Variants in FIBCD1 observed in about 807,000 individuals in gnomAD.
FIBCD1 encodes fibrinogen C domain-containing protein 1.
A neutral mutation model predicts 45.1 loss-of-function variants in FIBCD1; 47 were observed. The ratio of observed to expected loss-of-function variants is 1.04; its 90% confidence interval spans 0.82 to 1.33. The LOEUF is 1.33. Ranked by LOEUF, FIBCD1 falls within the 40% of genes most tolerant of loss-of-function variation. The pLI, the probability that FIBCD1 is intolerant of heterozygous loss-of-function variation, is 0.00. For missense variants in FIBCD1, 653 were observed against 682.2 expected (o/e 0.96, Z 0.48); for synonymous variants, 313 against 308.1 (o/e 1.02, Z -0.17).
intron 4 of FIBCD1, among the ~76,000 whole-genome samples, chr9:130,921,751 C>T (rs1265096298): frequency 6.6e-6 from 1 of 152,248 alleles, no homozygotes; most frequent in African/African-American, 2.4e-5. Context: ...TTCCGCCCGC[C>T]AAGGGGTTCC....
At chr9:130,924,011 CCG>C in intron 3 of FIBCD1, 131 bp from the exon 4 acceptor site, 1 of 1,421,148 alleles carries the variant, frequency 7.0e-7, no homozygotes, top group Non-Finnish European at 9.5e-7. Flanking sequence ...GCCTTGGAGT[CCG>C]ACCTTGGCTC....
upstream of FIBCD1, among the ~76,000 whole-genome samples, chr9:130,940,525 C>A (rs1213190108): frequency 6.6e-6 from 1 of 152,236 alleles, no homozygotes; most frequent in Non-Finnish European, 1.5e-5. Context: ...CTAGAGGGCC[C>A]TCAGACTTGG....
chr9:130,923,667 G>T, intron 4 of FIBCD1, 77 bp downstream of exon 4: 1 of 1,559,004 alleles, frequency 6.4e-7, no homozygotes, highest in Non-Finnish European at 8.6e-7. Flanking sequence ...GAAGCTGCTC[G>T]GAATGCCCGG....
chr9:130,924,668 C>G (rs1470313462), intron 2 of FIBCD1, among the ~76,000 whole-genome samples: 1 of 152,186 alleles, frequency 6.6e-6, no homozygotes, highest in Non-Finnish European at 1.5e-5. Context: ...GCACCTGCCA[C>G]CCCTGCTGCC....
chr9:130,936,784 C>T (rs552412687), intron 1 of FIBCD1, among the ~76,000 whole-genome samples: 1 of 152,270 alleles, frequency 6.6e-6, no homozygotes, highest in African/African-American at 2.4e-5. Flanking sequence ...GAGATGGGCT[C>T]CAGAGGAGGG....
upstream of FIBCD1, among the ~76,000 whole-genome samples, chr9:130,939,698 G>C (rs977347344): frequency 1.3e-5 from 2 of 151,780 alleles, no homozygotes; most frequent in African/African-American, 4.8e-5. Context: ...CGCCCCGCGT[G>C]GTCCCAGCCC....
intron 5 of FIBCD1, among the ~76,000 whole-genome samples, chr9:130,907,232 C>T (rs1831944790): frequency 8.5e-6 from 1 of 118,284 alleles, no homozygotes; most frequent in Non-Finnish European, 1.7e-5. Context: ...AGCGGTGTCC[C>T]GGGGGCTGCT....
chr9:130,908,333 G>C (rs749688521), intron 5 of FIBCD1, among the ~76,000 whole-genome samples: 1 of 152,192 alleles, frequency 6.6e-6, no homozygotes, highest in African/African-American at 2.4e-5. Context: ...GCTTCCTCCC[G>C]CATCATCTGC....
At chr9:130,908,252 G>A (rs1264224004) in intron 5 of FIBCD1, among the ~76,000 whole-genome samples, 1 of 152,214 alleles carries the variant, frequency 6.6e-6, no homozygotes, top group African/African-American at 2.4e-5. Flanking sequence ...TGCGGCAGAG[G>A]AGGGACTGGC....
Position 130,902,849 on chromosome 9 carries a change from G to A in FIBCD1, c.*1215C>T, listed in dbSNP as rs931895565. 2 of 152,438 alleles carry A rather than the reference G, an allele frequency of 1.3e-5. No individual in the cohort carries two copies. The highest frequency in any genetic ancestry group is 2.4e-5 in the African/African-American group (1 of 41,466). 9.4% of individuals were successfully genotyped at this position (152,438 alleles called of 1,614,324 possible). A position where few individuals can be genotyped will look rare whatever the true frequency, so the allele number is the denominator to read the frequency against. ...GCCTGCGGGTCTCACCTCTGCATGT[G>A]TGCACACAAGGAGTGGGGATGACAG... is the stretch of plus-strand genomic sequence containing the variant. On this transcript the variant is annotated 3_prime_UTR_variant, in exon 7 of 7. Coordinates refer to ENST00000372338, the MANE Select transcript of FIBCD1 (RefSeq NM_032843.5).
chr9:130,925,977 T>C (rs1009713518), intron 2 of FIBCD1, among the ~76,000 whole-genome samples: 3 of 152,148 alleles, frequency 2.0e-5, no homozygotes, highest in African/African-American at 7.2e-5. Context: ...CAGTTTCCCC[T>C]CTGCTGAGCA....
At chr9:130,917,887 G>C (rs1174122941) in intron 4 of FIBCD1, among the ~76,000 whole-genome samples, 1 of 152,142 alleles carries the variant, frequency 6.6e-6, no homozygotes, top group Non-Finnish European at 1.5e-5. Context: ...CTCAGTCCCA[G>C]GGAGCTCCCT....
rs550830133 is a variant in FIBCD1 at position 130,903,662 on chromosome 9, G to A, written c.*402C>T. 1 of 349,954 alleles carries A rather than the reference G, an allele frequency of 2.9e-6. No homozygotes were observed. Among genetic ancestry groups the A allele is most frequent in the South Asian group, 2.5e-5 (1 of 40,728 alleles). 21.7% of individuals were successfully genotyped at this position (349,954 alleles called of 1,614,324 possible). ...CCCACGATCTGCTAGGAGGACTCCA[G>A]GGGTGCTGTCTGCCCCCTGCTCTCT... On this transcript the variant is annotated 3_prime_UTR_variant, in exon 7 of 7. Transcript: ENST00000372338.
Position 130,935,598 on chromosome 9 carries a change from C to T in FIBCD1, c.72+2938G>A, listed in dbSNP as rs373429527. Among the ~76,000 whole-genome samples the T allele has an allele frequency of 6.6e-5, 10 of 152,324 alleles. No homozygotes were observed. The East Asian group carries it at 1.4e-3, about 21-fold the overall frequency. ...TTGGACAAAGGTCCTTCAGGACCTC[C>T]GGACCTGGGCTATACCCACTCACAG... On this transcript the variant is annotated intron_variant, in intron 1 of 6. Coordinates refer to ENST00000372338, the MANE Select transcript of FIBCD1 (RefSeq NM_032843.5).
intron 3 of FIBCD1, 44 bp downstream of exon 3, chr9:130,924,193 T>G: frequency 6.6e-7 from 1 of 1,518,070 alleles, no homozygotes. Flanking sequence ...TCCCCAGAGC[T>G]GGGACCCGAG....
At chr9:130,933,732 G>GC (rs1480099096) in intron 1 of FIBCD1, 3 of 143,124 alleles carry the variant, frequency 2.1e-5, no homozygotes, top group African/African-American at 7.5e-5. Flanking sequence ...GCGGGTGGGG[G>GC]GGGGGCGGCT....
upstream of FIBCD1, among the ~76,000 whole-genome samples, chr9:130,939,487 C>T (rs1832580681): frequency 6.6e-6 from 1 of 152,090 alleles, no homozygotes; most frequent in Non-Finnish European, 1.5e-5. Context: ...TGAGCCTGGC[C>T]GGTGGGCGTC....
At chr9:130,906,561 G>A (rs1376681097) in intron 5 of FIBCD1, among the ~76,000 whole-genome samples, 1 of 152,198 alleles carries the variant, frequency 6.6e-6, no homozygotes, top group African/African-American at 2.4e-5. Context: ...CAGGGCATGG[G>A]CTTTGACAGC....
chr9:130,928,793 G>A (rs118133773), intron 2 of FIBCD1, among the ~76,000 whole-genome samples: 5,611 of 152,268 alleles, frequency 0.037, 163 homozygotes, highest in Non-Finnish European at 0.05. Flanking sequence ...TTCCAGGTCT[G>A]ACCTGGCCAC....
Sources: allele counts gnomAD v4.1 joint callset (sites outside exome capture counted in the v4.1 genomes callset), GRCh38; gene constraint gnomAD v4.1.1; transcripts MANE v1.5; gene names NCBI Gene and HGNC (gene_info 2026-07-23, HGNC 2026-07-21).